The following ZNF354A variants were observed in gnomAD, a reference collection of about 807,000 sequenced individuals.
ZNF354A encodes epididymis luminal protein 104.
Under a neutral mutation model 53.3 loss-of-function variants are expected in ZNF354A, and 25 were observed. That is an observed-to-expected ratio of 0.47 (90% CI 0.34 to 0.66). The LOEUF (loss-of-function observed/expected upper bound fraction) is 0.66, where lower values mean the gene tolerates loss of function less well. Among genes scored for constraint, ZNF354A ranks in the 30% least tolerant of loss-of-function variants. The probability of loss-of-function intolerance (pLI) is 0.01; values close to 1 mark genes in which losing one functional copy is unlikely to be tolerated. For missense variants in ZNF354A, 586 were observed against 716.8 expected, an observed-to-expected ratio of 0.82 and a Z score of 2.08; for synonymous variants, 228 against 249.0, an observed-to-expected ratio of 0.92 and a Z score of 0.79.
rs1011027831 is a variant in ZNF354A, at chr5:178,730,402, G to T, written c.-52+154C>A. Among the ~76,000 whole-genome samples, 8 of 151,988 alleles carry T rather than the reference G, an allele frequency of 5.3e-5. No homozygotes were observed. The East Asian group carries it at 9.8e-4, about 19-fold the overall frequency. On this transcript the variant is annotated intron_variant, in intron 1 of 4. Coordinates refer to ENST00000335815, the MANE Select transcript of ZNF354A (RefSeq NM_005649.3). ...CAGCAACGGCGAGGGAGCGCCCCGC[G>T]GGGGGGCGAGAGTCCAGATCCCGGC... is the stretch of plus-strand genomic sequence containing the variant.
intron 3 of ZNF354A, 122 bp from the exon 4 acceptor site, chr5:178,725,593 G>A: frequency 2.0e-6 from 2 of 997,150 alleles, no homozygotes; most frequent in Non-Finnish European, 3.0e-6. Flanking sequence ...TAGGGCTTCA[G>A]TTGTGCCCCT....
rs190862884 is a variant in ZNF354A, at chr5:178,719,676, G to A, written c.256+5700C>T. Among the ~76,000 whole-genome samples, 9 of 152,144 alleles carry A rather than the reference G, an allele frequency of 5.9e-5. No individual in the cohort carries two copies. The East Asian group carries it at 9.7e-4, about 16-fold the overall frequency. The stretch of plus-strand genomic sequence containing the variant: ...AAAAATGTCACTTGCGGCCGGGCGC[G>A]GTGGCTCACGCCTGTAATCCCAGCA... On this transcript the variant is annotated intron_variant, in intron 4 of 4. Coordinates refer to ENST00000335815, the MANE Select transcript of ZNF354A (RefSeq NM_005649.3).
chr5:178,730,129 T>G (rs944871087), intron 1 of ZNF354A, among the ~76,000 whole-genome samples: 1 of 149,930 alleles, frequency 6.7e-6, no homozygotes, highest in Non-Finnish European at 1.5e-5. Flanking sequence ...CCTCCCAAAG[T>G]GCTGGGATTA....
At chr5:178,722,498 C>T (rs1305875078) in intron 4 of ZNF354A, among the ~76,000 whole-genome samples, 2 of 152,292 alleles carry the variant, frequency 1.3e-5, no homozygotes, top group Non-Finnish European at 2.9e-5. Context: ...TCCCTGACAA[C>T]CCCATCTCCC....
intron 4 of ZNF354A, among the ~76,000 whole-genome samples, chr5:178,722,398 T>A (rs1056785826): frequency 2.0e-5 from 3 of 152,190 alleles, no homozygotes; most frequent in African/African-American, 7.2e-5. Flanking sequence ...CAAATTTACA[T>A]CATCTCCAAA....
Position 178,712,077 on chromosome 5 carries a change from T to C in ZNF354A, c.1801A>G (p.Ile601Val), listed in dbSNP as rs138676718. The C allele has an allele frequency of 1.3e-6, 2 of 1,595,828 alleles. No homozygotes were observed. Among genetic ancestry groups the C allele is most frequent in the Admixed American group, 1.7e-5 (1 of 57,200 alleles). The change falls in exon 5 of 5, where the codon ATC (isoleucine) becomes GTC (valine). Residue 601 changes from isoleucine (I) to valine (V), a missense_variant. Ile to Val is a conservative substitution (Grantham distance 29, BLOSUM62 3). This residue lies in a region of ZNF354A where 573 missense variants were observed against 680.1 expected (regional missense o/e 0.84). Coordinates refer to ENST00000335815, the MANE Select transcript of ZNF354A (RefSeq NM_005649.3). ...TCTACTTTCTAGGGGTCCTCTTCGA[T>C]ATGAATTTTATAATGATTAGTAAGG... ...SSLTNHYKIH[I>V]EEDP
chr5:178,722,087 A>G (rs886811972), intron 4 of ZNF354A, among the ~76,000 whole-genome samples: 5 of 151,948 alleles, frequency 3.3e-5, no homozygotes, highest in Admixed American at 2.0e-4. Context: ...GATTTTCCTT[A>G]CAGTACGCTT....
intron 1 of ZNF354A, among the ~76,000 whole-genome samples, chr5:178,729,883 G>GC (rs1765996478): frequency 1.1e-5 from 1 of 91,102 alleles, no homozygotes; most frequent in African/African-American, 3.1e-5. Context: ...TTTCTTTTTT[G>GC]AGACGGAGTC....
At position 178,712,077 on chromosome 5, in the gene ZNF354A, T is replaced by A. The variant is rs138676718; in HGVS notation, c.1801A>T (p.Ile601Phe). 1,579 of 1,595,944 alleles carry A rather than the reference T, an allele frequency of 9.9e-4. 4 individuals are homozygous for A. Among genetic ancestry groups the A allele is most frequent in the Admixed American group, 1.8e-3 (104 of 57,220 alleles). Reference protein sequence around the residue: ...SSLTNHYKIHIEEDP With the variant: ...SSLTNHYKIHFEEDP ...TCTACTTTCTAGGGGTCCTCTTCGA[T>A]ATGAATTTTATAATGATTAGTAAGG... Residue 601 changes from isoleucine (I) to phenylalanine (F), a missense_variant, in exon 5 of 5, where the codon ATC (isoleucine) becomes TTC (phenylalanine). This residue lies in a region of ZNF354A where 573 missense variants were observed against 680.1 expected (regional missense o/e 0.84). Transcript: ENST00000335815.
intron 2 of ZNF354A, among the ~76,000 whole-genome samples, chr5:178,727,618 C>T (rs1283307639): frequency 1.3e-5 from 2 of 152,054 alleles, no homozygotes; most frequent in South Asian, 2.1e-4. Context: ...ATAGTAATGA[C>T]GAAAAGTAAA....
intron 4 of ZNF354A, among the ~76,000 whole-genome samples, chr5:178,723,444 G>A (rs1256354339): frequency 6.6e-6 from 1 of 152,208 alleles, no homozygotes; most frequent in Non-Finnish European, 1.5e-5. Context: ...GACAGGGCCC[G>A]TGGCTCTCTC....
intron 4 of ZNF354A, among the ~76,000 whole-genome samples, chr5:178,724,006 TGA>T (rs1415575587): frequency 6.6e-6 from 1 of 152,032 alleles, no homozygotes; most frequent in Admixed American, 6.5e-5. Flanking sequence ...TGACCTCCCT[TGA>T]GTCTCGGCCC....
At chr5:178,722,944 G>A (rs954119248) in intron 4 of ZNF354A, among the ~76,000 whole-genome samples, 3 of 152,174 alleles carry the variant, frequency 2.0e-5, no homozygotes, top group African/African-American at 7.2e-5. Flanking sequence ...ACGCATGACC[G>A]CCACGAAGAA....
In ZNF354A at chr5:178,718,301, C is replaced by T. The variant is rs188546640; in HGVS notation, c.257-4680G>A. ...TCCTCCTAGAATCAAGCCCAGTCCT[C>T]AGCTACCTGTTAAACAAGGTGAAGA... On this transcript the variant is annotated intron_variant, in intron 4 of 4. Coordinates refer to ENST00000335815, the MANE Select transcript of ZNF354A (RefSeq NM_005649.3). Among the ~76,000 whole-genome samples, 264 of 152,310 alleles carry T rather than the reference C, an allele frequency of 1.7e-3. 1 individual carries two copies. Among genetic ancestry groups the T allele is most frequent in the African/African-American group, 6.0e-3 (249 of 41,570 alleles).
chr5:178,713,979 TTTTTG>T (rs1765671071), intron 4 of ZNF354A, among the ~76,000 whole-genome samples: 1 of 139,884 alleles, frequency 7.1e-6, no homozygotes, highest in Admixed American at 7.1e-5. Flanking sequence ...TCCTAATTTT[TTTTTG>T]TTTTTTTTTT....
At chr5:178,722,793 T>C (rs1287858165) in intron 4 of ZNF354A, among the ~76,000 whole-genome samples, 1 of 152,134 alleles carries the variant, frequency 6.6e-6, no homozygotes, top group Non-Finnish European at 1.5e-5. Flanking sequence ...GAAACAGATC[T>C]ATTACACAGC....
intron 1 of ZNF354A, among the ~76,000 whole-genome samples, chr5:178,730,026 G>C (rs971646273): frequency 5.9e-5 from 9 of 152,018 alleles, no homozygotes; most frequent in Admixed American, 2.0e-4. Flanking sequence ...ACTACGCCCG[G>C]CTAATTTTTT....
At position 178,725,366 on chromosome 5, in the gene ZNF354A, A is replaced by G; in HGVS notation, c.256+10T>C. On this transcript the variant is annotated intron_variant, in intron 4 of 4. Transcript: ENST00000335815. The stretch of plus-strand genomic sequence containing the variant: ...CTGCGGCCATTCCGCACCTCGGGCC[A>G]CCCACTTACCTAGAGAGGAGACGCC... 1 of 1,613,096 alleles carries G rather than the reference A, an allele frequency of 6.2e-7. No individual in the cohort carries two copies. Among genetic ancestry groups the G allele is most frequent in the Non-Finnish European group, 8.5e-7 (1 of 1,179,722 alleles).
chr5:178,719,245 C>A (rs901196480), intron 4 of ZNF354A, among the ~76,000 whole-genome samples: 2 of 152,164 alleles, frequency 1.3e-5, no homozygotes, highest in Non-Finnish European at 2.9e-5. Flanking sequence ...CAGTTCCCTA[C>A]GGATCCAGTA....
Sources: gnomAD v4.1 joint callset for allele counts (sites outside exome capture counted in the v4.1 genomes callset) on GRCh38, gnomAD v4.1.1 for gene constraint, gnomAD v4.1.1 regional missense constraint, MANE v1.5 for transcripts, NCBI Gene and HGNC (gene_info 2026-07-23, HGNC 2026-07-21) for gene names.